RBM20: variants seen among roughly 807,000 people sequenced by gnomAD.
RBM20 encodes RNA binding motif protein 20, also known as RNA-binding protein 20.
RBM20 carries 51 observed loss-of-function variants against 110.1 expected under a neutral mutation model. That is an observed-to-expected ratio of 0.46 (90% CI 0.37 to 0.59). RBM20 has a LOEUF of 0.59. Among genes scored for constraint, RBM20 ranks in the 20% least tolerant of loss-of-function variants. The pLI is 0.00. For missense variants in RBM20, 1,512 were observed against 1,574.9 expected, an observed-to-expected ratio of 0.96 and a Z score of 0.68; for synonymous variants, 589 against 618.2, an observed-to-expected ratio of 0.95 and a Z score of 0.70.
chr10:110,708,690 TACA>T (rs2134907632), intron 1 of RBM20, among the ~76,000 whole-genome samples: 1 of 152,362 alleles, frequency 6.6e-6, no homozygotes, highest in East Asian at 1.9e-4. Flanking sequence ...TTCAAGTTTT[TACA>T]ACAAGGCGGA....
In RBM20 at chr10:110,644,625, C is replaced by T; in HGVS notation, c.171C>T (p.Gly57=). ...PPQPPPPPQA[G]LPQIIQNAAK... ...AGCCACCGCCCCCGCCCCAAGCCGG[C>T]CTACCCCAGATCATCCAAAAGTAAG... Residue 57 remains glycine, a synonymous_variant, in exon 1 of 14, where the codon GGC becomes GGT. Coordinates refer to ENST00000369519, the MANE Select transcript of RBM20 (RefSeq NM_001134363.3). This position sits in a 1 kb window ranked among gnomAD's most constrained non-coding sequence, Gnocchi z 4.3. 6.6e-7 allele frequency: 1 copy of T among 1,512,450 alleles called. No homozygotes were observed. Among genetic ancestry groups the T allele is most frequent in the Admixed American group, 2.1e-5 (1 of 47,168 alleles). 93.7% of individuals were successfully genotyped at this position (1,512,450 alleles called of 1,614,324 possible).
At chr10:110,713,906 G>A (rs1862977369) in intron 1 of RBM20, among the ~76,000 whole-genome samples, 1 of 152,146 alleles carries the variant, frequency 6.6e-6, no homozygotes, top group Admixed American at 6.5e-5. Context: ...GGCTAGTTGG[G>A]AACAGTAAGA....
At chr10:110,678,071 C>G (rs941964751) in intron 1 of RBM20, among the ~76,000 whole-genome samples, 3 of 151,904 alleles carry the variant, frequency 2.0e-5, no homozygotes, top group African/African-American at 7.2e-5. Flanking sequence ...GGAAAACTAA[C>G]ATAAACCAAA....
intron 12 of RBM20, among the ~76,000 whole-genome samples, chr10:110,826,447 T>C (rs949676115): frequency 2.0e-5 from 3 of 152,184 alleles, no homozygotes; most frequent in Admixed American, 1.3e-4. Context: ...TTTCTGTCAC[T>C]AAATATTAGT....
rs377623370 is a variant in RBM20, at chr10:110,781,176, G to T, written c.567G>T (p.Gln189His). ...GACCCTCCATGAACCTTCCCAACCAGCCACCCAGTGCCATGGTGATGCATC... is the reference window on the plus strand; with the variant it reads ...GACCCTCCATGAACCTTCCCAACCATCCACCCAGTGCCATGGTGATGCATC... ...GPGPSMNLPNQPPSAMVMHPF... is the reference protein window; with the variant it reads ...GPGPSMNLPNHPPSAMVMHPF... The change falls in exon 2 of 14, where the codon CAG becomes CAT. Residue 189 changes from glutamine (Q) to histidine (H), a missense_variant. Gln to His is a conservative substitution (Grantham distance 24, BLOSUM62 0). Transcript: ENST00000369519. The T allele has an allele frequency of 3.8e-5, 59 of 1,551,488 alleles. No homozygotes were observed. The African/African-American group carries it at 7.8e-4, about 21-fold the overall frequency.
intron 12 of RBM20, 91 bp from the exon 13 acceptor site, chr10:110,830,970 G>A: frequency 7.6e-7 from 1 of 1,313,706 alleles, no homozygotes. Context: ...GGAGCTCGTG[G>A]CTCCCATTTC....
chr10:110,832,546 A>T (rs1456064332), intron 13 of RBM20, among the ~76,000 whole-genome samples: 1 of 152,166 alleles, frequency 6.6e-6, no homozygotes, highest in Admixed American at 6.5e-5. Flanking sequence ...TAAAAAAAAA[A>T]CAAACTCAGA....
intron 1 of RBM20, among the ~76,000 whole-genome samples, chr10:110,711,297 T>A (rs915709430): frequency 2.7e-4 from 32 of 116,734 alleles, no homozygotes; most frequent in African/African-American, 1.1e-3. Context: ...GCCACTTCAC[T>A]CCAGCCTGGG....
intron 1 of RBM20, among the ~76,000 whole-genome samples, chr10:110,712,916 C>T (rs552952354): frequency 5.3e-5 from 8 of 152,362 alleles, no homozygotes; most frequent in East Asian, 1.9e-4. Context: ...ATCTATTACA[C>T]CCTCTGTAGA....
rs566402497 is a variant in RBM20, at chr10:110,745,064, G to C, written c.192-35737G>C. ...ACTCTCCTCGTGGTTACTGTTGTTT[G>C]GGTCAATGTTGTAAGCAGTTGCTTG... On this transcript the variant is annotated intron_variant, in intron 1 of 13. Transcript: ENST00000369519. Among the ~76,000 whole-genome samples the C allele has an allele frequency of 5.3e-5, 8 of 152,302 alleles. No individual in the cohort carries two copies. The South Asian group carries it at 1.7e-3, about 32-fold the overall frequency.
chr10:110,756,029 G>A lies in RBM20; in HGVS notation c.192-24772G>A, dbSNP rs185567054. Among the ~76,000 whole-genome samples, 53 of 152,296 alleles carry A rather than the reference G, an allele frequency of 3.5e-4. No homozygotes were observed. In the East Asian group the frequency reaches 6.2e-3, roughly 18 times the overall value. ...ATGCCCTGATCTTTAACGCTCCAAC[G>A]TGCATCTGTGACAATGACAGCGGAT... On this transcript the variant is annotated intron_variant, in intron 1 of 13. Coordinates refer to ENST00000369519, the MANE Select transcript of RBM20 (RefSeq NM_001134363.3).
At chr10:110,733,391 G>A (rs971415984) in intron 1 of RBM20, among the ~76,000 whole-genome samples, 3 of 152,242 alleles carry the variant, frequency 2.0e-5, no homozygotes, top group African/African-American at 4.8e-5. Context: ...ATAGAGCCGG[G>A]TGTATGGCTG....
Position 110,785,746 on chromosome 10 carries a change from A to G in RBM20, c.1527+857A>G, listed in dbSNP as rs549287127. 5.5e-4 allele frequency among the ~76,000 whole-genome samples: 84 copies of G among 152,270 alleles called. 1 individual carries two copies. The highest frequency in any genetic ancestry group is 9.7e-4 in the Non-Finnish European group (66 of 68,022). ...TATTGAAACACATGACTTAAGAAGC[A>G]GACATAAATCCTTAAAATTCAAGGC... On this transcript the variant is annotated intron_variant, in intron 5 of 13. Coordinates refer to ENST00000369519, the MANE Select transcript of RBM20 (RefSeq NM_001134363.3).
intron 1 of RBM20, among the ~76,000 whole-genome samples, chr10:110,744,426 A>C (rs1843755327): frequency 6.6e-6 from 1 of 152,234 alleles, no homozygotes; most frequent in Non-Finnish European, 1.5e-5. Context: ...TGAAAGGTGA[A>C]GGTGGGTTGA....
intron 1 of RBM20, among the ~76,000 whole-genome samples, chr10:110,762,894 A>G (rs1844025380): frequency 6.6e-6 from 1 of 152,202 alleles, no homozygotes; most frequent in African/African-American, 2.4e-5. Flanking sequence ...AAACCTGCTG[A>G]TTGGAGTAGA....
rs1177105217 is a variant in RBM20 at position 110,717,081 on chromosome 10, G to A, written c.192-63720G>A. On this transcript the variant is annotated intron_variant, in intron 1 of 13. Transcript: ENST00000369519. ...GTTTGATATCACATTTGTCTTGTCC[G>A]TGTTTCTTGTGACAGGCCCCAGCAC... 3.3e-5 allele frequency among the ~76,000 whole-genome samples: 5 copies of A among 152,128 alleles called. No individual in the cohort carries two copies. In the East Asian group the frequency reaches 5.8e-4, roughly 18 times the overall value.
chr10:110,657,311 G>A (rs374846388), intron 1 of RBM20, among the ~76,000 whole-genome samples: 8 of 151,656 alleles, frequency 5.3e-5, no homozygotes, highest in African/African-American at 1.9e-4. Context: ...CACCATGCCC[G>A]GCCTGTTCTT....
At chr10:110,789,953 G>T (rs1162697594) in intron 5 of RBM20, among the ~76,000 whole-genome samples, 2 of 152,190 alleles carry the variant, frequency 1.3e-5, no homozygotes, top group Non-Finnish European at 2.9e-5. Flanking sequence ...CTCTGTGTCT[G>T]TCCCTGTAAA....
At chr10:110,697,132 T>A (rs1564818194) in intron 1 of RBM20, among the ~76,000 whole-genome samples, 1 of 151,798 alleles carries the variant, frequency 6.6e-6, no homozygotes, top group East Asian at 1.9e-4. Flanking sequence ...TATGCAGAAT[T>A]TTTTTTTTAA....
Sources: gnomAD v4.1 joint callset for allele counts (sites outside exome capture counted in the v4.1 genomes callset) on GRCh38, gnomAD v4.1.1 for gene constraint, Gnocchi (gnomAD v3.1) non-coding constraint, MANE v1.5 for transcripts, NCBI Gene and HGNC (gene_info 2026-07-23, HGNC 2026-07-21) for gene names.